Variants in PTPN13 observed in about 807,000 individuals in gnomAD.
PTPN13 encodes protein tyrosine phosphatase non-receptor type 13.
PTPN13 carries 191 observed loss-of-function variants against 284.0 expected under a neutral mutation model. The ratio of observed to expected loss-of-function variants is 0.67; its 90% CI spans 0.60 to 0.76. The LOEUF is 0.76. PTPN13 is among the 30% of genes least tolerant of loss of function. The pLI is 0.00. For missense variants in PTPN13, 2,797 were observed against 2,939.9 expected, an observed-to-expected ratio of 0.95 and a Z score of 1.12; for synonymous variants, 986 against 1,022.3, an observed-to-expected ratio of 0.96 and a Z score of 0.68.
chr4:86,774,345 T>C, intron 32 of PTPN13, 28 bp from the exon 33 acceptor site: 1 of 1,582,894 alleles, frequency 6.3e-7, no homozygotes, highest in Non-Finnish European at 8.6e-7. Flanking sequence ...ATAGACAACC[T>C]AAAAGTATTA....
intron 9 of PTPN13, among the ~76,000 whole-genome samples, chr4:86,721,220 T>G (rs1350192410): frequency 6.6e-6 from 1 of 152,056 alleles, no homozygotes; most frequent in Non-Finnish European, 1.5e-5. Flanking sequence ...CTGTAATATT[T>G]TATGAAAATA....
At position 86,701,267 on chromosome 4, in the gene PTPN13, G is replaced by C. The variant is rs1731124289; in HGVS notation, c.661G>C (p.Asp221His). The C allele has an allele frequency of 6.3e-7, 1 of 1,593,632 alleles. No homozygotes were observed. The highest frequency in any genetic ancestry group is 8.5e-7 in the Non-Finnish European group (1 of 1,171,590). The change falls in exon 7 of 48, where the codon GAC becomes CAC. Residue 221 changes from aspartate to histidine, a missense_variant. Transcript: ENST00000411767. ...TGRSSTSDVL[D>H]IQKPPLSHQT... The stretch of plus-strand genomic sequence containing the variant: ...AAGAAGCTCTACTTCTGATGTACTA[G>C]ACATACAAAAGCCTCCACTCTCTCA...
intron 15 of PTPN13, among the ~76,000 whole-genome samples, chr4:86,740,772 C>T (rs1185879808): frequency 2.6e-5 from 4 of 152,032 alleles, no homozygotes; most frequent in Non-Finnish European, 4.4e-5. Context: ...TAAAACTGAA[C>T]GCCTTTAACA....
Position 86,618,709 on chromosome 4 carries a change from T to C in PTPN13, c.-5-16543T>C, listed in dbSNP as rs1436317313. On this transcript the variant is annotated intron_variant, in intron 1 of 47. Transcript: ENST00000411767. Reference sequence around the variant, plus strand: ...AAGCAATTTTGAATGGGAGTTCACTTATGATTTGGCTCTCTGTTTGTCTGT... The same window carrying C: ...AAGCAATTTTGAATGGGAGTTCACTCATGATTTGGCTCTCTGTTTGTCTGT... 3.9e-5 allele frequency among the ~76,000 whole-genome samples: 6 copies of C among 152,168 alleles called. No individual in the cohort carries two copies. The East Asian group carries it at 9.6e-4, about 24-fold the overall frequency.
intron 6 of PTPN13, among the ~76,000 whole-genome samples, chr4:86,695,488 G>T (rs192157212): frequency 6.6e-6 from 1 of 151,934 alleles, no homozygotes; most frequent in East Asian, 1.9e-4. Context: ...TTTGCAGTCA[G>T]TCTCCTATTT....
chr4:86,812,333 A>AAAT (rs1265181445), intron 47 of PTPN13, among the ~76,000 whole-genome samples: 1 of 147,112 alleles, frequency 6.8e-6, no homozygotes, highest in Admixed American at 6.7e-5. Context: ...AAAAAAAAAA[A>AAAT]GGAACTCTTC....
chr4:86,803,625 A>T, intron 42 of PTPN13, 84 bp from the exon 43 acceptor site: 1 of 1,357,340 alleles, frequency 7.4e-7, no homozygotes, highest in Non-Finnish European at 1.0e-6. Flanking sequence ...CTTTTGTAAG[A>T]TGAGGTGAAC....
At chr4:86,772,621 G>A (rs948534225) in intron 31 of PTPN13, among the ~76,000 whole-genome samples, 157 bp from the exon 32 acceptor site, 1 of 152,104 alleles carries the variant, frequency 6.6e-6, no homozygotes, top group Non-Finnish European at 1.5e-5. Context: ...TAACAGATAT[G>A]GAGTAAATTC....
At chr4:86,798,954 C>T (rs1398180698) in intron 41 of PTPN13, 147 bp from the exon 42 acceptor site, 3 of 547,828 alleles carry the variant, frequency 5.5e-6, no homozygotes, top group African/African-American at 3.9e-5. Context: ...TTTACATCTA[C>T]CAATAAATTT....
Position 86,809,843 on chromosome 4 carries a change from T to A in PTPN13, c.7158T>A (p.Asp2386Glu), listed in dbSNP as rs1339639968. Residue 2386 changes from aspartate (D) to glutamate (E), a missense_variant, in exon 46 of 48, where the codon GAT (aspartate) becomes GAA (glutamate). By Grantham distance (45) the Asp-to-Glu change is conservative (BLOSUM62 2). Coordinates refer to ENST00000411767, the MANE Select transcript of PTPN13 (RefSeq NM_080683.3). ...WPDHDTPSQPDDLLTFISYMR... is the reference protein window; with the variant it reads ...WPDHDTPSQPEDLLTFISYMR... ...ACCATGATACACCTTCTCAACCAGATGATCTGCTTACTTTTATCTCCTACA... is the reference window on the plus strand; with the variant it reads ...ACCATGATACACCTTCTCAACCAGAAGATCTGCTTACTTTTATCTCCTACA... The A allele has an allele frequency of 1.2e-6, 2 of 1,614,084 alleles. No individual in the cohort carries two copies. The highest frequency in any genetic ancestry group is 2.2e-5 in the South Asian group (2 of 91,084).
intron 35 of PTPN13, among the ~76,000 whole-genome samples, chr4:86,776,430 T>G (rs2149290794): frequency 6.6e-6 from 1 of 152,312 alleles, no homozygotes; most frequent in South Asian, 2.1e-4. Context: ...TCACATCACC[T>G]AGAGCAGTCT....
chr4:86,778,906 T>A (rs934507765), intron 35 of PTPN13, among the ~76,000 whole-genome samples: 6 of 151,640 alleles, frequency 4.0e-5, no homozygotes, highest in East Asian at 1.9e-4. Flanking sequence ...GCATTTTTTT[T>A]TATTTTTTTA....
At position 86,637,836 on chromosome 4, in the gene PTPN13, T is replaced by C. The variant is rs1411651064; in HGVS notation, c.115+2465T>C. ...TGTTGGAAGTTCTGGCCAGGGCAAT[T>C]AGGCAGGAGAAGGAAATAAAGGGTA... On this transcript the variant is annotated intron_variant, in intron 2 of 47. Transcript: ENST00000411767. Among the ~76,000 whole-genome samples, 20 of 143,886 alleles carry C rather than the reference T, an allele frequency of 1.4e-4. No homozygotes were observed. The South Asian group carries it at 1.7e-3, about 12-fold the overall frequency. The allele number at this position is 143,886 out of a possible 152,430, so 94.4% of individuals were successfully genotyped here.
intron 46 of PTPN13, among the ~76,000 whole-genome samples, chr4:86,810,191 C>T (rs1182902044): frequency 6.6e-6 from 1 of 152,016 alleles, no homozygotes; most frequent in Non-Finnish European, 1.5e-5. Context: ...AAAAATAATA[C>T]TTCAATTTTA....
chr4:86,805,093 G>A (rs1431828273), intron 43 of PTPN13, among the ~76,000 whole-genome samples, 186 bp from the exon 44 acceptor site: 4 of 152,122 alleles, frequency 2.6e-5, no homozygotes, highest in African/African-American at 9.7e-5. Context: ...AAAGATACTT[G>A]TAACAATATA....
chr4:86,784,161 A>G (rs1478318504), intron 37 of PTPN13, among the ~76,000 whole-genome samples: 1 of 152,152 alleles, frequency 6.6e-6, no homozygotes, highest in African/African-American at 2.4e-5. Context: ...GAAGTACTAC[A>G]TAATAGAGTT....
chr4:86,665,996 T>G (rs1439563211), intron 2 of PTPN13, among the ~76,000 whole-genome samples: 6 of 152,132 alleles, frequency 3.9e-5, no homozygotes, highest in Non-Finnish European at 8.8e-5. Flanking sequence ...AGTCTTTAGT[T>G]TTGGTTTTTG....
intron 3 of PTPN13, among the ~76,000 whole-genome samples, chr4:86,672,820 A>G (rs1261912618): frequency 6.6e-6 from 1 of 152,240 alleles, no homozygotes; most frequent in Non-Finnish European, 1.5e-5. Flanking sequence ...TGAGGAAGAT[A>G]TAGAAATAAC....
At chr4:86,785,468 G>T (rs1031209699) in intron 39 of PTPN13, 100 bp downstream of exon 39, 3 of 1,021,400 alleles carry the variant, frequency 2.9e-6, no homozygotes, top group Admixed American at 6.5e-5. Flanking sequence ...TTCTTCTTCT[G>T]TTCCTCATTC....
Sources: allele counts gnomAD v4.1 joint callset (sites outside exome capture counted in the v4.1 genomes callset), GRCh38; gene constraint gnomAD v4.1.1; transcripts MANE v1.5; gene names NCBI Gene and HGNC (gene_info 2026-07-23, HGNC 2026-07-21).